The following TNFRSF19 variants were observed in gnomAD, a reference collection of about 807,000 sequenced individuals.
The protein encoded by TNFRSF19 is tumor necrosis factor receptor superfamily member 19.
A neutral mutation model predicts 46.4 loss-of-function variants in TNFRSF19; 27 were observed. The ratio of observed to expected loss-of-function variants is 0.58; its 90% CI spans 0.43 to 0.80. The LOEUF (loss-of-function observed/expected upper bound fraction) is 0.80, where lower values mean the gene tolerates loss of function less well. Among genes scored for constraint, TNFRSF19 ranks in the 30% least tolerant of loss-of-function variants. The probability of loss-of-function intolerance (pLI) is 0.00; values close to 1 mark genes in which losing one functional copy is unlikely to be tolerated. For synonymous variants in TNFRSF19, 204 were observed against 205.0 expected, an observed-to-expected ratio of 1.00 and a Z score of 0.04; for missense variants, 511 against 530.8, an observed-to-expected ratio of 0.96 and a Z score of 0.37.
intron 5 of TNFRSF19, among the ~76,000 whole-genome samples, chr13:23,649,090 G>A (rs998158876): frequency 6.6e-6 from 1 of 152,132 alleles, no homozygotes; most frequent in African/African-American, 2.4e-5. Context: ...TAGCCTTGTA[G>A]AATGAGTTAA....
At chr13:23,599,622 A>T (rs1235930198) in intron 3 of TNFRSF19, among the ~76,000 whole-genome samples, 1 of 152,204 alleles carries the variant, frequency 6.6e-6, no homozygotes, top group East Asian at 1.9e-4. Context: ...GAGTCAATAG[A>T]AAGGAATGCC....
intron 4 of TNFRSF19, among the ~76,000 whole-genome samples, chr13:23,624,688 T>C (rs1200085590): frequency 6.6e-6 from 1 of 152,018 alleles, no homozygotes; most frequent in African/African-American, 2.4e-5. Flanking sequence ...CTAGAAATAG[T>C]CGCTGTTCAT....
In TNFRSF19 at chr13:23,673,476, C is replaced by T; in HGVS notation, c.*96C>T. The T allele has an allele frequency of 1.4e-6, 2 of 1,426,734 alleles. No individual in the cohort carries two copies. The highest frequency in any genetic ancestry group is 1.9e-6 in the Non-Finnish European group (2 of 1,079,076). 88.4% of individuals were successfully genotyped at this position (1,426,734 alleles called of 1,614,324 possible). A position where few individuals can be genotyped will look rare whatever the true frequency, so the allele number is the denominator to read the frequency against. On this transcript the variant is annotated 3_prime_UTR_variant, in exon 10 of 10. Coordinates refer to ENST00000248484, the MANE Select transcript of TNFRSF19 (RefSeq NM_148957.4). Reference sequence around the variant, plus strand: ...ACTGAGCAGTCTGGACCTTGCATGGCTTCTGGGGCAAAAATAAATCTGAAC... The same window carrying T: ...ACTGAGCAGTCTGGACCTTGCATGGTTTCTGGGGCAAAAATAAATCTGAAC...
At chr13:23,616,571 T>TGTTG in intron 4 of TNFRSF19, among the ~76,000 whole-genome samples, 1 of 103,826 alleles carries the variant, frequency 9.6e-6, no homozygotes, top group African/African-American at 3.0e-5. Flanking sequence ...TTTGTTTGTT[T>TGTTG]GTTTGTTTGT....
chr13:23,646,684 C>G (rs1883351642), intron 5 of TNFRSF19, among the ~76,000 whole-genome samples: 1 of 152,192 alleles, frequency 6.6e-6, no homozygotes, highest in Non-Finnish European at 1.5e-5. Flanking sequence ...AACTAGTCAT[C>G]TGCTGATGGA....
intron 5 of TNFRSF19, among the ~76,000 whole-genome samples, chr13:23,640,077 G>C (rs891276538): frequency 6.6e-6 from 1 of 152,088 alleles, no homozygotes; most frequent in Admixed American, 6.5e-5. Context: ...GCCAGGCAGC[G>C]GAGACGTTCT....
At chr13:23,623,264 T>C (rs558612523) in intron 4 of TNFRSF19, among the ~76,000 whole-genome samples, 1 of 152,356 alleles carries the variant, frequency 6.6e-6, no homozygotes, top group South Asian at 2.1e-4. Context: ...GGTTTATACA[T>C]GTTGTAGCAT....
intron 3 of TNFRSF19, among the ~76,000 whole-genome samples, chr13:23,601,448 T>C (rs1880159681): frequency 6.6e-6 from 1 of 152,196 alleles, no homozygotes; most frequent in South Asian, 2.1e-4. Context: ...GGGAATTTGT[T>C]ACCAGTAGAC....
intron 3 of TNFRSF19, among the ~76,000 whole-genome samples, chr13:23,611,976 C>CA (rs1402148546): frequency 6.6e-6 from 1 of 152,162 alleles, no homozygotes; most frequent in African/African-American, 2.4e-5. Flanking sequence ...TACATGCACT[C>CA]ACGCTAGGAG....
intron 5 of TNFRSF19, among the ~76,000 whole-genome samples, chr13:23,634,398 C>T (rs933147443): frequency 2.0e-5 from 3 of 152,186 alleles, no homozygotes; most frequent in Non-Finnish European, 4.4e-5. Context: ...CATTTAAAAC[C>T]ATTGAGCTGG....
chr13:23,621,996 A>G (rs529836089), intron 4 of TNFRSF19, among the ~76,000 whole-genome samples: 1 of 152,150 alleles, frequency 6.6e-6, no homozygotes, highest in Non-Finnish European at 1.5e-5. Context: ...GATACTGTTG[A>G]TAGCTGCTCT....
At chr13:23,626,829 C>T in intron 5 of TNFRSF19, 37 bp downstream of exon 5, 1 of 1,595,164 alleles carries the variant, frequency 6.3e-7, no homozygotes, top group Non-Finnish European at 8.5e-7. Flanking sequence ...CAAGGGGACG[C>T]CTGGCCTTTT....
intron 8 of TNFRSF19, 52 bp from the exon 9 acceptor site, chr13:23,668,640 T>G: frequency 6.5e-7 from 1 of 1,545,768 alleles, no homozygotes; most frequent in Non-Finnish European, 8.7e-7. Flanking sequence ...TTCTTTGTAG[T>G]AGTGTTTTTC....
chr13:23,622,397 A>C (rs944948093), intron 4 of TNFRSF19, among the ~76,000 whole-genome samples: 1 of 152,202 alleles, frequency 6.6e-6, no homozygotes, highest in Non-Finnish European at 1.5e-5. Context: ...CAACAGAGCG[A>C]GACTCCATCT....
intron 5 of TNFRSF19, among the ~76,000 whole-genome samples, chr13:23,632,699 A>G (rs1437292948): frequency 1.3e-5 from 2 of 152,236 alleles, no homozygotes; most frequent in Non-Finnish European, 2.9e-5. Flanking sequence ...AACTTAAACC[A>G]GGTCTCCCCA....
intron 5 of TNFRSF19, among the ~76,000 whole-genome samples, chr13:23,644,274 C>T (rs943815722): frequency 2.0e-5 from 3 of 152,290 alleles, no homozygotes; most frequent in East Asian, 3.9e-4. Context: ...AATCTCATCT[C>T]GTAGTTCCCA....
At chr13:23,594,838 G>T (rs766111291) in intron 3 of TNFRSF19, among the ~76,000 whole-genome samples, 21 of 152,340 alleles carry the variant, frequency 1.4e-4, no homozygotes, top group Middle Eastern at 6.8e-3. Flanking sequence ...CCCAGCAGGG[G>T]TCGCCAGACA....
intron 4 of TNFRSF19, among the ~76,000 whole-genome samples, chr13:23,622,264 T>C (rs1977479): frequency 0.66 from 99,019 of 151,142 alleles, 33,097 homozygotes; most frequent in Middle Eastern, 0.75. Flanking sequence ...CAAAATTAGC[T>C]GGGCATGGTA....
chr13:23,637,873 C>T (rs1882786162), intron 5 of TNFRSF19, among the ~76,000 whole-genome samples: 1 of 152,222 alleles, frequency 6.6e-6, no homozygotes, highest in African/African-American at 2.4e-5. Context: ...ATGGACACTC[C>T]CTGCTTTCTT....
Sources: allele counts gnomAD v4.1 joint callset (sites outside exome capture counted in the v4.1 genomes callset), GRCh38; gene constraint gnomAD v4.1.1; transcripts MANE v1.5; gene names NCBI Gene and HGNC (gene_info 2026-07-23, HGNC 2026-07-21).